Variants in ZNF653 observed in about 807,000 individuals in gnomAD.
ZNF653 encodes the protein zinc finger protein 653, also known as 67 kDa zinc finger protein.
In ZNF653, 37 loss-of-function variants were observed where a neutral mutation model predicts 59.9. The observed-to-expected ratio is 0.62, with a 90% confidence interval of 0.48 to 0.81. The LOEUF is 0.81. ZNF653 is among the 40% of genes least tolerant of loss of function. The probability of loss-of-function intolerance (pLI) is 0.00; values close to 1 mark genes in which losing one functional copy is unlikely to be tolerated. For missense variants in ZNF653, 808 were observed against 881.1 expected (o/e 0.92, Z 1.05); for synonymous variants, 435 against 371.8 (o/e 1.17, Z -1.96).
At chr19:11,492,180 G>A (rs1204344322) in intron 3 of ZNF653, among the ~76,000 whole-genome samples, 1 of 152,006 alleles carries the variant, frequency 6.6e-6, no homozygotes, top group Non-Finnish European at 1.5e-5. Flanking sequence ...CTGAGTAGCT[G>A]GGATTACAGG....
chr19:11,489,279 A>G (rs1971506003), intron 3 of ZNF653, among the ~76,000 whole-genome samples: 1 of 151,836 alleles, frequency 6.6e-6, no homozygotes, highest in African/African-American at 2.4e-5. Flanking sequence ...GGCTCACTGC[A>G]ACCTCTACCT....
In ZNF653 at chr19:11,483,726, T is replaced by C; in HGVS notation, c.1804A>G (p.Lys602Glu). ...GKRFEKLDSVKFHTLKSHPDH... is the reference protein window; with the variant it reads ...GKRFEKLDSVEFHTLKSHPDH... ...GGGTGGCTTTTGAGCGTGTGGAACT[T>C]GACGCTGTCCAGCTTCTCGAAGCGC... Residue 602 changes from lysine (K) to glutamate (E), a missense_variant, in exon 9 of 9, where the codon AAG becomes GAG. Transcript: ENST00000293771. 1 of 1,613,720 alleles carries C rather than the reference T, an allele frequency of 6.2e-7. No individual in the cohort carries two copies. The highest frequency in any genetic ancestry group is 8.5e-7 in the Non-Finnish European group (1 of 1,179,668).
rs759546340 is a variant in ZNF653 at position 11,487,410 on chromosome 19, G to A, written c.1053C>T (p.Gly351=). The change falls in exon 4 of 9, where the codon GGC becomes GGT. Residue 351 remains glycine, a synonymous_variant. Transcript: ENST00000293771. The surrounding 1 kb of genome is among the most constrained non-coding windows in gnomAD (Gnocchi z 5.1). ...CCATCATGGCACAGGGCACCTCCTCGCCCAGTCCACTGCCGGGGACACCGC... is the reference window on the plus strand; with the variant it reads ...CCATCATGGCACAGGGCACCTCCTCACCCAGTCCACTGCCGGGGACACCGC... The part of the protein sequence containing the change: ...AGSGVPGSGL[G]EEVPCAMMEG... The A allele has an allele frequency of 6.2e-6, 10 of 1,611,972 alleles. No individual in the cohort carries two copies. The highest frequency in any genetic ancestry group is 1.7e-5 in the Admixed American group (1 of 60,026).
At chr19:11,500,127 T>A (rs551224645) in intron 1 of ZNF653, among the ~76,000 whole-genome samples, 1 of 152,158 alleles carries the variant, frequency 6.6e-6, no homozygotes, top group East Asian at 1.9e-4. Context: ...AGCAAAACTG[T>A]CCACCCCGTC....
At chr19:11,503,115 TAAGAA>T (rs1273587172) in intron 1 of ZNF653, among the ~76,000 whole-genome samples, 5 of 152,062 alleles carry the variant, frequency 3.3e-5, no homozygotes, top group Admixed American at 2.6e-4. Context: ...ATCTTGCACT[TAAGAA>T]AAGGCTCCCA....
At chr19:11,491,594 C>CTT (rs113281174) in intron 3 of ZNF653, among the ~76,000 whole-genome samples, 4 of 147,660 alleles carry the variant, frequency 2.7e-5, no homozygotes, top group African/African-American at 7.4e-5. Context: ...CTTGAATCCT[C>CTT]TTTTTTTTTT....
At chr19:11,499,611 TAAAAAAA>T (rs764982889) in intron 1 of ZNF653, among the ~76,000 whole-genome samples, 1 of 113,036 alleles carries the variant, frequency 8.8e-6, no homozygotes, top group African/African-American at 3.2e-5. Flanking sequence ...TTTATACAAT[TAAAAAAA>T]AAAAAAAAAA....
chr19:11,496,681 A>G (rs934153208), intron 2 of ZNF653, among the ~76,000 whole-genome samples: 5 of 152,220 alleles, frequency 3.3e-5, no homozygotes, highest in African/African-American at 1.2e-4. Context: ...CAGCCTGGCT[A>G]ACATGGCGAA....
At chr19:11,491,522 A>C (rs1340352271) in intron 3 of ZNF653, among the ~76,000 whole-genome samples, 2 of 151,710 alleles carry the variant, frequency 1.3e-5, no homozygotes, top group Non-Finnish European at 2.9e-5. Flanking sequence ...TCCTCTCCTA[A>C]TGTCCTTGGA....
intron 3 of ZNF653, among the ~76,000 whole-genome samples, chr19:11,490,644 T>C (rs905360420): frequency 6.6e-6 from 1 of 151,984 alleles, no homozygotes; most frequent in Non-Finnish European, 1.5e-5. Context: ...CTGCCCGCCT[T>C]GGCCTCCCAA....
intron 2 of ZNF653, among the ~76,000 whole-genome samples, chr19:11,496,458 G>C (rs958802196): frequency 1.3e-5 from 2 of 152,078 alleles, no homozygotes; most frequent in Non-Finnish European, 2.9e-5. Context: ...TTCATCAAAC[G>C]CCTAGACCAG....
chr19:11,485,886 G>A, intron 6 of ZNF653, 116 bp from the exon 7 acceptor site: 4 of 759,306 alleles, frequency 5.3e-6, no homozygotes, highest in East Asian at 2.5e-5. Context: ...CAGGAGGAGG[G>A]AAGAGGGGTA....
At chr19:11,485,140 C>T (rs1160770205) in intron 7 of ZNF653, among the ~76,000 whole-genome samples, 1 of 152,048 alleles carries the variant, frequency 6.6e-6, no homozygotes, top group African/African-American at 2.4e-5. Context: ...GCCCTCAGGG[C>T]ATGCCCTATC....
intron 2 of ZNF653, among the ~76,000 whole-genome samples, chr19:11,496,863 T>G (rs1971594108): frequency 6.6e-6 from 1 of 152,012 alleles, no homozygotes; most frequent in Admixed American, 6.6e-5. Context: ...CAAGACCAAC[T>G]CCCTCAGGGT....
intron 3 of ZNF653, among the ~76,000 whole-genome samples, chr19:11,488,629 GCT>G (rs1309249934): frequency 4.8e-5 from 7 of 147,172 alleles, no homozygotes; most frequent in African/African-American, 1.8e-4. Context: ...ATGGAGTCTC[GCT>G]CTGTCACACA....
chr19:11,485,627 T>G, intron 7 of ZNF653, 29 bp downstream of exon 7: 1 of 1,581,668 alleles, frequency 6.3e-7, no homozygotes, highest in East Asian at 2.2e-5. Context: ...TGTCCCCCGC[T>G]CATGCTGCCA....
rs750036260 is a variant in ZNF653, at chr19:11,505,453, T to TCCTC, written c.299+31_299+34dup. 25 of 1,409,970 alleles carry TCCTC rather than the reference T, an allele frequency of 1.8e-5. No individual in the cohort carries two copies. In the East Asian group the frequency reaches 1.8e-4, roughly 10 times the overall value. The allele number at this position is 1,409,970 out of a possible 1,614,324, so 87.3% of individuals were successfully genotyped here. ...AAGCCCGGCGGGGTCTGGGGGCGTC[T>TCCTC]CCTCCCTCCCTCCCTCGGGGCCAGG... On this transcript the variant is annotated intron_variant, in intron 1 of 8. Coordinates refer to ENST00000293771, the MANE Select transcript of ZNF653 (RefSeq NM_138783.4).
rs1359904163 is a variant in ZNF653 at position 11,495,972 on chromosome 19, G to A, written c.537C>T (p.Asp179=). Residue 179 remains aspartate, a synonymous_variant, in exon 3 of 9, where the codon GAC becomes GAT. Transcript: ENST00000293771. The surrounding 1 kb of genome is among the most constrained non-coding windows in gnomAD (Gnocchi z 4.9). The part of the protein sequence containing the change: ...DLHSPLKPLS[D]SDPDSDKVGN... ...TACCTTTGTCACTGTCAGGGTCTGAGTCGCTGAGGGGCTTCAGGGGCGAAT... is the reference window on the plus strand; with the variant it reads ...TACCTTTGTCACTGTCAGGGTCTGAATCGCTGAGGGGCTTCAGGGGCGAAT... The A allele has an allele frequency of 6.2e-7, 1 of 1,614,160 alleles. No individual in the cohort carries two copies. The highest frequency in any genetic ancestry group is 2.2e-5 in the East Asian group (1 of 44,888).
chr19:11,503,719 T>A lies in ZNF653; in HGVS notation c.299+1769A>T, dbSNP rs536889160. On this transcript the variant is annotated intron_variant, in intron 1 of 8. Transcript: ENST00000293771. ...TACTTGGGAGACTGAGGCAGGAGGATCCCTTGAGCCTGGGAGGTTGAGGCT... is the reference window on the plus strand; with the variant it reads ...TACTTGGGAGACTGAGGCAGGAGGAACCCTTGAGCCTGGGAGGTTGAGGCT... Among the ~76,000 whole-genome samples, 49 of 152,070 alleles carry A rather than the reference T, an allele frequency of 3.2e-4. No homozygotes were observed. The South Asian group carries it at 9.5e-3, about 30-fold the overall frequency.
Sources: allele counts gnomAD v4.1 joint callset (sites outside exome capture counted in the v4.1 genomes callset), GRCh38; gene constraint gnomAD v4.1.1; non-coding constraint Gnocchi (gnomAD v3.1); transcripts MANE v1.5; gene names NCBI Gene and HGNC (gene_info 2026-07-23, HGNC 2026-07-21).